The following C12orf42 variants were observed in gnomAD, a reference collection of about 807,000 sequenced individuals.
C12orf42 encodes the protein chromosome 12 open reading frame 42, also known as uncharacterized protein C12orf42.
C12orf42 carries 25 observed loss-of-function variants against 21.6 expected under a neutral mutation model. The ratio of observed to expected loss-of-function variants is 1.16; its 90% CI spans 0.84 to 1.62. The LOEUF is 1.62. C12orf42 is among the 40% of genes most tolerant of loss of function. The pLI is 0.00. For synonymous variants in C12orf42, 174 were observed against 175.0 expected, an observed-to-expected ratio of 0.99 and a Z score of 0.05; for missense variants, 483 against 459.3, an observed-to-expected ratio of 1.05 and a Z score of -0.47.
At chr12:103,509,062 G>A in the C12orf42 span, among the ~76,000 whole-genome samples, 1 of 152,164 alleles carries the variant, frequency 6.6e-6, no homozygotes, top group African/African-American at 2.4e-5. Flanking sequence ...TGCTCAAGGT[G>A]TGCAGCTAAT....
chr12:103,314,623 A>G (rs1316216876), intron 4 of C12orf42, among the ~76,000 whole-genome samples: 1 of 147,128 alleles, frequency 6.8e-6, no homozygotes, highest in Non-Finnish European at 1.5e-5. Context: ...TCCGTCATGG[A>G]TTTGACAGGA....
chr12:103,089,937 G>A, the C12orf42 span, among the ~76,000 whole-genome samples: 1 of 152,122 alleles, frequency 6.6e-6, no homozygotes, highest in Non-Finnish European at 1.5e-5. Context: ...AATGGACACC[G>A]AAAAGATTTT....
At chr12:103,164,116 T>A in the C12orf42 span, among the ~76,000 whole-genome samples, 1 of 152,200 alleles carries the variant, frequency 6.6e-6, no homozygotes, top group Non-Finnish European at 1.5e-5. Flanking sequence ...GGAAACCCAA[T>A]GTATCGTTTC....
the C12orf42 span, among the ~76,000 whole-genome samples, chr12:103,197,039 G>T: frequency 6.6e-6 from 1 of 152,120 alleles, no homozygotes; most frequent in African/African-American, 2.4e-5. Context: ...GTGTGTTTTT[G>T]TGGTAGCTGG....
At chr12:103,522,676 C>T in the C12orf42 span, among the ~76,000 whole-genome samples, 2 of 152,204 alleles carry the variant, frequency 1.3e-5, no homozygotes, top group African/African-American at 4.8e-5. Flanking sequence ...CACAGCTCTT[C>T]AGAGAGTCAC....
chr12:103,248,005 T>C (rs1051520361), intron 10 of C12orf42, among the ~76,000 whole-genome samples: 5 of 151,970 alleles, frequency 3.3e-5, no homozygotes, highest in African/African-American at 7.2e-5. Flanking sequence ...AGATAAGTAA[T>C]ACACCCAAAG....
chr12:103,533,436 C>T, the C12orf42 span, among the ~76,000 whole-genome samples: 1 of 152,148 alleles, frequency 6.6e-6, no homozygotes, highest in Non-Finnish European at 1.5e-5. Context: ...TCAGCTCAGA[C>T]ACATTTTCTC....
At chr12:103,059,485 G>A in the C12orf42 span, among the ~76,000 whole-genome samples, 2 of 152,176 alleles carry the variant, frequency 1.3e-5, no homozygotes, top group Non-Finnish European at 2.9e-5. Context: ...TATGAGGGTA[G>A]TATCATCCTG....
chr12:103,106,845 T>C, the C12orf42 span, among the ~76,000 whole-genome samples: 1 of 151,924 alleles, frequency 6.6e-6, no homozygotes, highest in Admixed American at 6.6e-5. Context: ...AGAAAGATAT[T>C]CTGAGATGGA....
Position 103,246,349 on chromosome 12 carries a change from AC to A in C12orf42, c.*1367-8448del, listed in dbSNP as rs538454974. On this transcript the variant is annotated intron_variant and NMD_transcript_variant, in intron 10 of 10. Coordinates refer to the C12orf42 transcript ENST00000547347. ...GTAAACCCAACTGGAAATCAAAGTG[AC>A]TTTTACTGAGGGAAGTTTTGCTGGA... Among the ~76,000 whole-genome samples the A allele has an allele frequency of 4.6e-5, 7 of 152,182 alleles. No individual in the cohort carries two copies. In the East Asian group the frequency reaches 1.4e-3, roughly 29 times the overall value.
At chr12:103,402,001 T>G (rs996677888) in intron 2 of C12orf42, among the ~76,000 whole-genome samples, 1 of 152,194 alleles carries the variant, frequency 6.6e-6, no homozygotes, top group African/African-American at 2.4e-5. Flanking sequence ...GGTGATATAT[T>G]GGGATGAAAT....
intron 2 of C12orf42, among the ~76,000 whole-genome samples, chr12:103,445,225 A>T (rs1951503126): frequency 6.6e-6 from 1 of 152,072 alleles, no homozygotes; most frequent in Non-Finnish European, 1.5e-5. Context: ...ATTGGAGGAA[A>T]CCCAGCTGGT....
the C12orf42 span, among the ~76,000 whole-genome samples, chr12:103,151,129 A>T: frequency 2.0e-5 from 3 of 152,170 alleles, no homozygotes; most frequent in East Asian, 5.8e-4. Context: ...GGGTTTCACC[A>T]TGTTGGTCAG....
the C12orf42 span, among the ~76,000 whole-genome samples, chr12:103,087,017 A>T: frequency 6.6e-6 from 1 of 152,204 alleles, no homozygotes; most frequent in Non-Finnish European, 1.5e-5. Flanking sequence ...AGTTAATTTC[A>T]CTTAGTATTC....
chr12:103,368,014 G>C lies in C12orf42; in HGVS notation c.259+873C>G, dbSNP rs2044780559. 3 of 1,227,654 alleles carry C rather than the reference G, an allele frequency of 2.4e-6. No individual in the cohort carries two copies. The Admixed American group carries it at 7.1e-5, about 29-fold the overall frequency. The allele number at this position is 1,227,654 out of a possible 1,614,324, so 76.0% of individuals were successfully genotyped here. A position where few individuals can be genotyped will look rare whatever the true frequency, so the allele number is the denominator to read the frequency against. ...TCAAATGAAAATGTAGCAGTTACCT[G>C]CTTTATCAGTTGTCCTAAAAACTTC... On this transcript the variant is annotated intron_variant, in intron 4 of 5. Coordinates refer to ENST00000548883, the MANE Select transcript of C12orf42 (RefSeq NM_198521.5).
At chr12:103,312,976 C>T (rs6539064) in intron 4 of C12orf42, among the ~76,000 whole-genome samples, 3 of 152,000 alleles carry the variant, frequency 2.0e-5, no homozygotes, top group Non-Finnish European at 1.5e-5. Context: ...GCGAGCTGAC[C>T]ACTTCACACC....
the C12orf42 span, among the ~76,000 whole-genome samples, chr12:103,180,054 G>A: frequency 6.6e-6 from 1 of 151,984 alleles, no homozygotes; most frequent in Admixed American, 6.6e-5. Context: ...AGTTTAGGAG[G>A]CAGTCAGACA....
chr12:103,351,319 G>T (rs1420791585), intron 4 of C12orf42, among the ~76,000 whole-genome samples: 1 of 152,072 alleles, frequency 6.6e-6, no homozygotes, highest in Non-Finnish European at 1.5e-5. Flanking sequence ...AACTGTTTCT[G>T]TACCTCACTT....
chr12:103,233,206 C>T (rs1281783004), downstream of C12orf42, among the ~76,000 whole-genome samples: 1 of 152,126 alleles, frequency 6.6e-6, no homozygotes, highest in Non-Finnish European at 1.5e-5. Context: ...TTGCCAATAC[C>T]ACACTGTCTT....
Sources: allele counts gnomAD v4.1 joint callset (sites outside exome capture counted in the v4.1 genomes callset), GRCh38; gene constraint gnomAD v4.1.1; transcripts MANE v1.5; gene names NCBI Gene and HGNC (gene_info 2026-07-23, HGNC 2026-07-21).